The following WFDC3 variants were observed in gnomAD, a reference collection of about 807,000 sequenced individuals.
The protein encoded by WFDC3 is WAP four-disulfide core domain protein 3.
A neutral mutation model predicts 25.8 loss-of-function variants in WFDC3; 15 were observed. The ratio of observed to expected loss-of-function variants is 0.58; its 90% CI spans 0.39 to 0.89. The LOEUF is 0.89. Ranked by LOEUF, WFDC3 falls within the 40% of genes least tolerant of loss-of-function variation. WFDC3 has a pLI of 0.00. For synonymous variants in WFDC3, 103 were observed against 107.1 expected (o/e 0.96, Z 0.24); for missense variants, 264 against 289.8 (o/e 0.91, Z 0.65).
At chr20:45,789,605 G>C (rs144385348) in intron 2 of WFDC3, among the ~76,000 whole-genome samples, 2 of 151,942 alleles carry the variant, frequency 1.3e-5, no homozygotes, top group African/African-American at 4.8e-5. Flanking sequence ...TGCAGATAAC[G>C]AGAGAGAAAG....
chr20:45,775,685 G>C (rs965204937), intron 5 of WFDC3, 83 bp from the exon 6 acceptor site: 5 of 1,555,932 alleles, frequency 3.2e-6, no homozygotes, highest in Non-Finnish European at 4.4e-6. Flanking sequence ...TACACACAGA[G>C]GCTCTAGGTC....
intron 1 of WFDC3, 83 bp from the exon 2 acceptor site, chr20:45,790,065 G>T: frequency 9.4e-7 from 1 of 1,068,282 alleles, no homozygotes; most frequent in East Asian, 2.5e-5. Context: ...GCAGGACTAG[G>T]GATGGCCCCA....
In WFDC3 at chr20:45,775,413, T is replaced by C; in HGVS notation, c.679+4A>G. The C allele has an allele frequency of 1.2e-6, 2 of 1,613,876 alleles. No homozygotes were observed. On this transcript the variant is annotated splice_donor_region_variant and intron_variant, in intron 6 of 6. Transcript: ENST00000243938. ...TATTGTTGATGACAATGGACTGTAC[T>C]CACCTAATTCGGAATCAGACCTCAC...
At chr20:45,789,346 A>G (rs1027051714) in intron 2 of WFDC3, among the ~76,000 whole-genome samples, 1 of 151,968 alleles carries the variant, frequency 6.6e-6, no homozygotes, top group Non-Finnish European at 1.5e-5. Context: ...CTCTACTAAA[A>G]ATACAAAAAA....
intron 5 of WFDC3, among the ~76,000 whole-genome samples, chr20:45,776,807 T>C (rs1270614650): frequency 6.6e-6 from 1 of 151,832 alleles, no homozygotes; most frequent in Non-Finnish European, 1.5e-5. Flanking sequence ...TTTGCTTACC[T>C]AAGGTCACAA....
intron 4 of WFDC3, among the ~76,000 whole-genome samples, chr20:45,783,295 G>A (rs1160978353): frequency 6.6e-6 from 1 of 152,030 alleles, no homozygotes; most frequent in East Asian, 1.9e-4. Context: ...AGCATTATCT[G>A]GCAGGTTTAC....
intron 4 of WFDC3, among the ~76,000 whole-genome samples, chr20:45,780,307 C>G (rs1171487855): frequency 6.6e-6 from 1 of 151,964 alleles, no homozygotes; most frequent in Non-Finnish European, 1.5e-5. Context: ...GACCTTCTGG[C>G]CTCAAGCAAT....
intron 4 of WFDC3, among the ~76,000 whole-genome samples, chr20:45,782,955 C>G (rs1050325440): frequency 1.8e-4 from 28 of 152,328 alleles, no homozygotes; most frequent in Admixed American, 1.6e-3. Context: ...CCTCTCCAAC[C>G]TCAAATGAAA....
Position 45,774,434 on chromosome 20 carries a change from C to A in WFDC3, c.690G>T (p.Val230=), listed in dbSNP as rs1160705694. ...TCCAGACAAATCAGCACAGCTAGGG[C>A]ACCGGGATCTCTGCAAGTAGAAGAA... ...VRSDSELEIP[V]P is the part of the protein sequence containing the mutation. Residue 230 remains valine (V), a synonymous_variant, in exon 7 of 7, where the codon GTG becomes GTT. Coordinates refer to ENST00000243938, the MANE Select transcript of WFDC3 (RefSeq NM_080614.2). The A allele has an allele frequency of 6.2e-7, 1 of 1,614,108 alleles. No homozygotes were observed.
At chr20:45,788,696 G>C in intron 3 of WFDC3, 1 of 420,772 alleles carries the variant, frequency 2.4e-6, no homozygotes, top group Non-Finnish European at 4.1e-6. Context: ...CAGGAACTTT[G>C]AGTCCAAAGT....
intron 3 of WFDC3, 165 bp downstream of exon 3, chr20:45,788,766 A>G: frequency 1.1e-6 from 1 of 871,474 alleles, no homozygotes. Flanking sequence ...AACTGGGGGC[A>G]CTGAATAATT....
rs754681700 is a variant in WFDC3, at chr20:45,787,881, C to T, written c.313G>A (p.Gly105Ser). ...CPGVKKCCTL[G>S]CNKSCVVPIS... The stretch of plus-strand genomic sequence containing the variant: ...GGGACTACACAGCTCTTGTTGCAGC[C>T]AAGCGTGCAGCATTTCTTTACACCT... Residue 105 changes from glycine to serine, a missense_variant, in exon 4 of 7, where the codon GGC becomes AGC. Transcript: ENST00000243938. The T allele has an allele frequency of 6.2e-7, 1 of 1,614,040 alleles. No individual in the cohort carries two copies. Among genetic ancestry groups the T allele is most frequent in the Non-Finnish European group, 8.5e-7 (1 of 1,179,976 alleles).
intron 5 of WFDC3, among the ~76,000 whole-genome samples, chr20:45,776,402 T>C (rs1980159055): frequency 6.7e-6 from 1 of 148,378 alleles, no homozygotes; most frequent in Non-Finnish European, 1.5e-5. Context: ...GGTCAGGAGT[T>C]CAAGACCAGC....
At chr20:45,775,700 A>C in intron 5 of WFDC3, 98 bp from the exon 6 acceptor site, 1 of 1,487,086 alleles carries the variant, frequency 6.7e-7, no homozygotes, top group South Asian at 1.3e-5. Context: ...TAGGTCAATC[A>C]ACCCCTGACC....
At chr20:45,782,234 C>T (rs1466399123) in intron 4 of WFDC3, among the ~76,000 whole-genome samples, 3 of 152,174 alleles carry the variant, frequency 2.0e-5, no homozygotes, top group African/African-American at 7.2e-5. Context: ...ATCTACCACC[C>T]TTCTTGATAC....
At chr20:45,784,790 G>A (rs541058521) in intron 4 of WFDC3, among the ~76,000 whole-genome samples, 1 of 152,326 alleles carries the variant, frequency 6.6e-6, no homozygotes, top group Non-Finnish European at 1.5e-5. Flanking sequence ...GAGGCAAGAG[G>A]AAGGAAGTTA....
chr20:45,788,181 TA>T, intron 3 of WFDC3, 199 bp from the exon 4 acceptor site: 1 of 408,698 alleles, frequency 2.4e-6, no homozygotes. Flanking sequence ...CACATGCCTG[TA>T]AATCCCAGCT....
chr20:45,779,058 T>A (rs1980323030), intron 4 of WFDC3, among the ~76,000 whole-genome samples: 1 of 152,054 alleles, frequency 6.6e-6, no homozygotes, highest in Non-Finnish European at 1.5e-5. Context: ...ACAGAGTGAG[T>A]CAGCAGCAAG....
chr20:45,776,276 CTCTG>C (rs1980141427), intron 5 of WFDC3, among the ~76,000 whole-genome samples: 3 of 68,442 alleles, frequency 4.4e-5, no homozygotes, highest in East Asian at 8.2e-4. Flanking sequence ...ATGCTTTTAT[CTCTG>C]TGTGTGTGTG....
Sources: gnomAD v4.1 joint callset for allele counts (sites outside exome capture counted in the v4.1 genomes callset) on GRCh38, gnomAD v4.1.1 for gene constraint, MANE v1.5 for transcripts, NCBI Gene and HGNC (gene_info 2026-07-23, HGNC 2026-07-21) for gene names.